The following SIL1 variants were observed in gnomAD, a reference collection of about 807,000 sequenced individuals.
The protein encoded by SIL1 is nucleotide exchange factor SIL1.
SIL1 carries 40 observed loss-of-function variants against 49.1 expected under a neutral mutation model. That is an observed-to-expected ratio of 0.81 (90% CI 0.63 to 1.06). SIL1 has a LOEUF of 1.06. Among genes scored for constraint, SIL1 ranks in the 50% least tolerant of loss-of-function variants. The probability of loss-of-function intolerance (pLI) is 0.00; values close to 1 mark genes in which losing one functional copy is unlikely to be tolerated. For synonymous variants in SIL1, 253 were observed against 250.8 expected, an observed-to-expected ratio of 1.01 and a Z score of -0.08; for missense variants, 500 against 572.6, an observed-to-expected ratio of 0.87 and a Z score of 1.29.
At chr5:139,016,157 T>C (rs1459568190) in intron 7 of SIL1, among the ~76,000 whole-genome samples, 1 of 151,994 alleles carries the variant, frequency 6.6e-6, no homozygotes, top group Non-Finnish European at 1.5e-5. Context: ...ACAACAATAG[T>C]AGAAATTAAA....
intron 3 of SIL1, among the ~76,000 whole-genome samples, chr5:139,094,512 G>A (rs1770412622): frequency 6.6e-6 from 1 of 152,216 alleles, no homozygotes; most frequent in African/African-American, 2.4e-5. Context: ...GATATGAAAT[G>A]TTAAGAAAGG....
At chr5:138,952,549 T>C (rs927398315) in intron 7 of SIL1, among the ~76,000 whole-genome samples, 2 of 152,168 alleles carry the variant, frequency 1.3e-5, no homozygotes, top group Admixed American at 6.5e-5. Context: ...TTCTCAGCAC[T>C]CAGCACAGAG....
At chr5:138,951,075 C>A in intron 9 of SIL1, 96 bp downstream of exon 9, 1 of 1,389,780 alleles carries the variant, frequency 7.2e-7, no homozygotes, top group Non-Finnish European at 1.0e-6. Flanking sequence ...ACAAAGCAAA[C>A]AAGTGACGTC....
At chr5:139,111,924 C>T (rs1169264358) in intron 3 of SIL1, among the ~76,000 whole-genome samples, 3 of 152,236 alleles carry the variant, frequency 2.0e-5, no homozygotes, top group East Asian at 3.9e-4. Flanking sequence ...GCTGCCATCT[C>T]GGCTCACTGC....
At chr5:139,140,345 T>C (rs963519288) in intron 1 of SIL1, among the ~76,000 whole-genome samples, 3 of 152,038 alleles carry the variant, frequency 2.0e-5, no homozygotes, top group African/African-American at 4.8e-5. Flanking sequence ...CTTAAACTAA[T>C]TGGGGAGCCC....
intron 3 of SIL1, among the ~76,000 whole-genome samples, chr5:139,082,432 A>G (rs574360055): frequency 1.3e-5 from 2 of 152,338 alleles, no homozygotes; most frequent in Non-Finnish European, 2.9e-5. Context: ...ACCCCAAGAA[A>G]GCTGATTGAA....
At chr5:139,130,361 T>C (rs11954142) in intron 1 of SIL1, among the ~76,000 whole-genome samples, 3,410 of 152,170 alleles carry the variant, frequency 0.022, 142 homozygotes, top group African/African-American at 0.078. Flanking sequence ...AAATGGCCAA[T>C]AGGGACACGA....
At chr5:139,042,873 G>A (rs556526023) in intron 4 of SIL1, among the ~76,000 whole-genome samples, 154 bp from the exon 5 acceptor site, 146 of 152,288 alleles carry the variant, frequency 9.6e-4, no homozygotes, top group African/African-American at 3.5e-3. Flanking sequence ...GTGATGGTAT[G>A]TGCCTGTGGT....
chr5:139,111,136 C>A (rs915443479), intron 3 of SIL1, among the ~76,000 whole-genome samples: 1 of 152,208 alleles, frequency 6.6e-6, no homozygotes, highest in Non-Finnish European at 1.5e-5. Context: ...CACAGTAGTT[C>A]TTCCCAACCT....
rs1304439270 is a variant in SIL1, at chr5:139,067,065, C to A, written c.245-16019G>T. On this transcript the variant is annotated intron_variant, in intron 3 of 9. Transcript: ENST00000394817. ...GCTGAACAGAGTGCTTGGTACATAG[C>A]GAATGTCCATTGTGTATATGTTCTA... 2.0e-5 allele frequency among the ~76,000 whole-genome samples: 3 copies of A among 152,054 alleles called. No individual in the cohort carries two copies. The East Asian group carries it at 5.8e-4, about 29-fold the overall frequency.
intron 3 of SIL1, among the ~76,000 whole-genome samples, chr5:139,112,832 C>T (rs1278023633): frequency 6.6e-6 from 1 of 152,150 alleles, no homozygotes; most frequent in African/African-American, 2.4e-5. Flanking sequence ...GCCATGATGA[C>T]AATGGCAGTT....
At chr5:139,048,087 C>T (rs750490931) in intron 4 of SIL1, among the ~76,000 whole-genome samples, 1 of 152,264 alleles carries the variant, frequency 6.6e-6, no homozygotes, top group Middle Eastern at 3.4e-3. Context: ...AACAAATAAA[C>T]TCCAAATTAA....
intron 7 of SIL1, among the ~76,000 whole-genome samples, chr5:139,006,602 CT>C (rs1416524768): frequency 6.6e-6 from 1 of 151,190 alleles, no homozygotes; most frequent in African/African-American, 2.4e-5. Flanking sequence ...ACGTTTAAAT[CT>C]TTTTTTTTAA....
At chr5:138,973,726 G>A (rs1172399238) in intron 7 of SIL1, among the ~76,000 whole-genome samples, 2 of 151,944 alleles carry the variant, frequency 1.3e-5, no homozygotes, top group East Asian at 3.9e-4. Context: ...CTACAAGTGT[G>A]AGCCACCGTG....
intron 7 of SIL1, among the ~76,000 whole-genome samples, chr5:139,000,957 G>A: frequency 6.6e-6 from 1 of 151,756 alleles, no homozygotes; most frequent in Non-Finnish European, 1.5e-5. Flanking sequence ...GGAAAAAATA[G>A]GGAAAAGATA....
At chr5:138,962,584 A>AT (rs1454024227) in intron 7 of SIL1, among the ~76,000 whole-genome samples, 7 of 152,252 alleles carry the variant, frequency 4.6e-5, no homozygotes, top group Non-Finnish European at 1.0e-4. Flanking sequence ...AAGCATTAGG[A>AT]TAACAGCTGT....
At chr5:139,132,483 A>G (rs1011837110) in intron 1 of SIL1, among the ~76,000 whole-genome samples, 2 of 152,320 alleles carry the variant, frequency 1.3e-5, no homozygotes, top group South Asian at 2.1e-4. Flanking sequence ...TATTGCCTCT[A>G]TATATTTTTC....
intron 1 of SIL1, among the ~76,000 whole-genome samples, chr5:139,146,649 A>G (rs1357578165): frequency 6.6e-6 from 1 of 152,206 alleles, no homozygotes; most frequent in African/African-American, 2.4e-5. Flanking sequence ...ATTCTTTGTC[A>G]AGGTAAAGAA....
chr5:139,040,489 TTC>T (rs1325512413), intron 5 of SIL1, among the ~76,000 whole-genome samples: 7 of 109,906 alleles, frequency 6.4e-5, no homozygotes, highest in African/African-American at 3.1e-4. Context: ...TTTTTCTTTT[TTC>T]TTTTTTCTTT....
Sources: allele counts gnomAD v4.1 joint callset (sites outside exome capture counted in the v4.1 genomes callset), GRCh38; gene constraint gnomAD v4.1.1; transcripts MANE v1.5; gene names NCBI Gene and HGNC (gene_info 2026-07-23, HGNC 2026-07-21).